NRXN3: variants seen among roughly 807,000 people sequenced by gnomAD.
The protein encoded by NRXN3 is neurexin 3.
In NRXN3, 32 loss-of-function variants were observed where a neutral mutation model predicts 137.6. The observed-to-expected ratio is 0.23, with a 90% CI of 0.18 to 0.31. The LOEUF (loss-of-function observed/expected upper bound fraction) is 0.31, where lower values mean the gene tolerates loss of function less well. NRXN3 is among the 10% of genes least tolerant of loss of function. The probability of loss-of-function intolerance (pLI) is 1.00; values close to 1 mark genes in which losing one functional copy is unlikely to be tolerated. For synonymous variants in NRXN3, 798 were observed against 784.5 expected (o/e 1.02, Z -0.29); for missense variants, 1,574 against 2,062.5 (o/e 0.76, Z 4.59).
chr14:78,260,555 C>G (rs571877771), intron 2 of NRXN3, among the ~76,000 whole-genome samples: 2 of 152,288 alleles, frequency 1.3e-5, no homozygotes, highest in Non-Finnish European at 2.9e-5. Flanking sequence ...TCCCATAATT[C>G]CCACATGTTG....
chr14:78,185,372 G>A (rs1352974633), intron 1 of NRXN3, among the ~76,000 whole-genome samples: 1 of 152,152 alleles, frequency 6.6e-6, no homozygotes, highest in Non-Finnish European at 1.5e-5. Context: ...TGACAGGCCA[G>A]GGAAGTAGCA....
intron 19 of NRXN3, among the ~76,000 whole-genome samples, chr14:79,719,382 G>GTGTGTGTGTATATA (rs1555660547): frequency 1.6e-5 from 2 of 127,788 alleles, no homozygotes; most frequent in African/African-American, 2.8e-5. Context: ...GTATATATAT[G>GTGTGTGTGTATATA]TGTGTGTATA....
At chr14:78,967,792 GATA>G (rs1168825315) in intron 13 of NRXN3, among the ~76,000 whole-genome samples, 1 of 152,120 alleles carries the variant, frequency 6.6e-6, no homozygotes, top group African/African-American at 2.4e-5. Context: ...GCAAAATGAG[GATA>G]ATAATTGTTA....
intron 16 of NRXN3, among the ~76,000 whole-genome samples, chr14:79,561,588 C>T (rs1308083288): frequency 1.3e-5 from 2 of 152,026 alleles, no homozygotes; most frequent in South Asian, 2.1e-4. Context: ...CTTAGTTATA[C>T]ACATTACTGT....
At chr14:78,776,015 G>C (rs961274052) in intron 8 of NRXN3, among the ~76,000 whole-genome samples, 2 of 151,986 alleles carry the variant, frequency 1.3e-5, no homozygotes, top group African/African-American at 4.8e-5. Flanking sequence ...TTAACCTTTG[G>C]GGATTCACCA....
intron 10 of NRXN3, among the ~76,000 whole-genome samples, chr14:78,843,670 G>A (rs2099018956): frequency 6.6e-6 from 1 of 152,058 alleles, no homozygotes; most frequent in African/African-American, 2.4e-5. Context: ...TTTTCCTTGG[G>A]TAATTCCATT....
intron 15 of NRXN3, among the ~76,000 whole-genome samples, chr14:79,215,227 A>T (rs1294449712): frequency 6.6e-6 from 1 of 152,216 alleles, no homozygotes; most frequent in Admixed American, 6.5e-5. Flanking sequence ...GGAGCTGTGG[A>T]TCGCCACAAT....
intron 15 of NRXN3, among the ~76,000 whole-genome samples, chr14:78,993,831 G>GA: frequency 8.6e-6 from 1 of 116,582 alleles, no homozygotes; most frequent in East Asian, 2.9e-4. Context: ...GATGAGCCTT[G>GA]AAATTTTTTT....
intron 4 of NRXN3, among the ~76,000 whole-genome samples, chr14:78,615,326 C>T (rs760273987): frequency 9.9e-5 from 15 of 151,758 alleles, no homozygotes; most frequent in Non-Finnish European, 1.8e-4. Flanking sequence ...CAGGGCCGGG[C>T]GCGGTGGCTC....
chr14:79,048,032 G>A (rs967140990), intron 15 of NRXN3, among the ~76,000 whole-genome samples: 1 of 152,064 alleles, frequency 6.6e-6, no homozygotes, highest in African/African-American at 2.4e-5. Flanking sequence ...TCCATCAAGA[G>A]TATGGATAAA....
intron 10 of NRXN3, among the ~76,000 whole-genome samples, chr14:78,950,661 AAAGG>A (rs567867616): frequency 5.3e-5 from 8 of 151,996 alleles, no homozygotes; most frequent in Non-Finnish European, 7.4e-5. Flanking sequence ...AGGAAGGAAA[AAAGG>A]AAGGAAGGAA....
intron 4 of NRXN3, among the ~76,000 whole-genome samples, chr14:78,310,738 A>G (rs2077883759): frequency 6.6e-6 from 1 of 152,104 alleles, no homozygotes. Context: ...ATGCTGGGGA[A>G]TAAAACATGG....
At chr14:79,681,540 G>A (rs1293400605) in intron 17 of NRXN3, among the ~76,000 whole-genome samples, 1 of 152,052 alleles carries the variant, frequency 6.6e-6, no homozygotes, top group Non-Finnish European at 1.5e-5. Flanking sequence ...GCAATCTCAG[G>A]TGTAGGCAGC....
chr14:79,186,640 G>T (rs1264350770), intron 15 of NRXN3, among the ~76,000 whole-genome samples: 1 of 152,122 alleles, frequency 6.6e-6, no homozygotes, highest in Non-Finnish European at 1.5e-5. Context: ...TCTCACTTGG[G>T]TGGTAGTTAC....
At chr14:79,826,084 C>T (rs2099298921) in intron 20 of NRXN3, among the ~76,000 whole-genome samples, 1 of 152,030 alleles carries the variant, frequency 6.6e-6, no homozygotes, top group Admixed American at 6.6e-5. Flanking sequence ...CAACCTCTGC[C>T]TCCTGGGTTC....
At chr14:79,330,766 C>T (rs149949538) in intron 15 of NRXN3, among the ~76,000 whole-genome samples, 12 of 152,242 alleles carry the variant, frequency 7.9e-5, no homozygotes. Context: ...CTAGTGTAGT[C>T]CTCTATGCTT....
At chr14:78,425,582 C>T (rs1033600430) in intron 4 of NRXN3, among the ~76,000 whole-genome samples, 2 of 152,174 alleles carry the variant, frequency 1.3e-5, no homozygotes, top group Non-Finnish European at 2.9e-5. Flanking sequence ...ACTAAACCCT[C>T]TGCATTCCTT....
chr14:79,525,861 G>A (rs2097113864), intron 16 of NRXN3, among the ~76,000 whole-genome samples: 1 of 152,102 alleles, frequency 6.6e-6, no homozygotes, highest in African/African-American at 2.4e-5. Context: ...AATTGTGCAG[G>A]GTTATTAGGA....
chr14:78,211,051 G>T (rs1455121381), intron 1 of NRXN3, among the ~76,000 whole-genome samples: 1 of 152,178 alleles, frequency 6.6e-6, no homozygotes, highest in South Asian at 2.1e-4. Context: ...CCAGAGAGAA[G>T]AATTAAATGA....
Sources: allele counts gnomAD v4.1 joint callset (sites outside exome capture counted in the v4.1 genomes callset), GRCh38; gene constraint gnomAD v4.1.1; transcripts MANE v1.5; gene names NCBI Gene and HGNC (gene_info 2026-07-23, HGNC 2026-07-21).